The following DOCK2 variants were observed in gnomAD, a reference collection of about 807,000 sequenced individuals.
DOCK2 encodes dedicator of cytokinesis protein 2.
In DOCK2, 87 loss-of-function variants were observed where a neutral mutation model predicts 248.9. That is an observed-to-expected ratio of 0.35 (90% CI 0.29 to 0.42). The LOEUF is 0.42. Among genes scored for constraint, DOCK2 ranks in the 10% least tolerant of loss-of-function variants. The pLI, the probability that DOCK2 is intolerant of heterozygous loss-of-function variation, is 1.00. For missense variants in DOCK2, 1,747 were observed against 2,300.2 expected, an observed-to-expected ratio of 0.76 and a Z score of 4.92; for synonymous variants, 805 against 821.6, an observed-to-expected ratio of 0.98 and a Z score of 0.35.
chr5:169,839,687 C>T (rs942002163), intron 26 of DOCK2, among the ~76,000 whole-genome samples: 1 of 152,216 alleles, frequency 6.6e-6, no homozygotes, highest in Admixed American at 6.5e-5. Context: ...CTGTTACAAC[C>T]TGACTCACTG....
Position 169,721,912 on chromosome 5 carries a change from A to G in DOCK2, c.2267+3121A>G, listed in dbSNP as rs78048459. On this transcript the variant is annotated intron_variant, in intron 22 of 51. Coordinates refer to ENST00000520908, the MANE Select transcript of DOCK2 (RefSeq NM_004946.3). Reference sequence around the variant, plus strand: ...TTCTTGTGTCACTAGCTCCTGAGTCAAAGTCTGGATCAAGTGTCTCTGATT... The same window carrying G: ...TTCTTGTGTCACTAGCTCCTGAGTCGAAGTCTGGATCAAGTGTCTCTGATT... 2.6e-3 allele frequency among the ~76,000 whole-genome samples: 395 copies of G among 152,358 alleles called. 2 individuals are homozygous for G. The highest frequency in any genetic ancestry group is 9.1e-3 in the African/African-American group (379 of 41,584).
intron 25 of DOCK2, among the ~76,000 whole-genome samples, chr5:169,766,719 TC>T (rs1484108876): frequency 1.2e-4 from 19 of 152,308 alleles, no homozygotes; most frequent in East Asian, 1.2e-3. Context: ...TGTATATGCA[TC>T]CCCTTTTCAC....
At chr5:169,809,873 C>T (rs1767630746) in intron 26 of DOCK2, among the ~76,000 whole-genome samples, 1 of 152,206 alleles carries the variant, frequency 6.6e-6, no homozygotes, top group Non-Finnish European at 1.5e-5. Context: ...CCTACCTTCC[C>T]CTCAGAAATC....
intron 27 of DOCK2, among the ~76,000 whole-genome samples, chr5:169,878,409 C>T (rs1772451222): frequency 6.6e-6 from 1 of 152,102 alleles, no homozygotes; most frequent in Admixed American, 6.5e-5. Context: ...AAATGCAGAC[C>T]TGCATCAATT....
intron 25 of DOCK2, among the ~76,000 whole-genome samples, chr5:169,785,425 C>T (rs73322058): frequency 0.077 from 11,753 of 152,084 alleles, 965 homozygotes; most frequent in East Asian, 0.34. Context: ...AATATTTTCC[C>T]ACTATTAACA....
chr5:169,813,796 G>A (rs1767898853), intron 26 of DOCK2, among the ~76,000 whole-genome samples: 1 of 152,188 alleles, frequency 6.6e-6, no homozygotes, highest in Non-Finnish European at 1.5e-5. Context: ...GTCTCCTGCA[G>A]GGCAGTGAGA....
chr5:169,649,848 G>A (rs1384285278), intron 1 of DOCK2, among the ~76,000 whole-genome samples: 4 of 151,812 alleles, frequency 2.6e-5, no homozygotes, highest in Non-Finnish European at 5.9e-5. Context: ...CTGTCACCCG[G>A]GCTGGAGTGC....
At chr5:169,839,394 T>G (rs1055235685) in intron 26 of DOCK2, among the ~76,000 whole-genome samples, 1 of 152,132 alleles carries the variant, frequency 6.6e-6, no homozygotes, top group Non-Finnish European at 1.5e-5. Flanking sequence ...GAATTGAGGC[T>G]CAGAGAAGTG....
At chr5:169,682,228 A>G (rs1759706601) in intron 7 of DOCK2, among the ~76,000 whole-genome samples, 1 of 152,278 alleles carries the variant, frequency 6.6e-6, no homozygotes, top group African/African-American at 2.4e-5. Flanking sequence ...TATGTGAATC[A>G]AAGTGACTCA....
chr5:169,726,139 C>A (rs1273944278), intron 22 of DOCK2, among the ~76,000 whole-genome samples: 2 of 152,080 alleles, frequency 1.3e-5, no homozygotes, highest in East Asian at 3.9e-4. Flanking sequence ...TAAAAGTGTT[C>A]CTATTTCTCC....
intron 26 of DOCK2, among the ~76,000 whole-genome samples, chr5:169,826,129 A>G (rs1258143607): frequency 1.3e-5 from 2 of 152,114 alleles, no homozygotes; most frequent in Non-Finnish European, 2.9e-5. Context: ...CATTTTGTGT[A>G]TTTATACATG....
rs752968198 is a variant in DOCK2, at chr5:170,077,813, C to T, written c.4970C>T (p.Thr1657Ile). The T allele has an allele frequency of 2.5e-6, 4 of 1,613,380 alleles. No homozygotes were observed. The highest frequency in any genetic ancestry group is 1.1e-5 in the South Asian group (1 of 91,068). ...GCTTCCATGAATTCTGACTGCAGCA[C>T]CCCCAGCAAGCCTACCTCAGAGAGG... ...SLASMNSDCS[T>I]PSKPTSESFD... The change falls in exon 48 of 52, where the codon ACC becomes ATC. Residue 1657 changes from threonine to isoleucine, a missense_variant. This residue lies in a region of DOCK2 where 513 missense variants were observed against 586.1 expected (regional missense o/e 0.88). Coordinates refer to ENST00000520908, the MANE Select transcript of DOCK2 (RefSeq NM_004946.3).
intron 27 of DOCK2, among the ~76,000 whole-genome samples, chr5:169,946,824 G>A (rs1432410855): frequency 1.3e-5 from 2 of 152,218 alleles, no homozygotes; most frequent in Non-Finnish European, 2.9e-5. Flanking sequence ...AACTGGGTGG[G>A]CAGTGACATG....
At chr5:170,045,786 CT>C (rs1756687062) in intron 38 of DOCK2, 29 bp from the exon 39 acceptor site, 1 of 1,610,948 alleles carries the variant, frequency 6.2e-7, no homozygotes, top group African/African-American at 1.3e-5. Flanking sequence ...GTGGTGCCAC[CT>C]CACCTTTGTC....
chr5:170,004,509 C>T (rs189388155), intron 30 of DOCK2, among the ~76,000 whole-genome samples: 136 of 152,186 alleles, frequency 8.9e-4, no homozygotes, highest in African/African-American at 2.4e-3. Context: ...GTCAGTGTGG[C>T]GATTCCTCAG....
In DOCK2 at chr5:169,654,547, C is replaced by A. The variant is rs928125181; in HGVS notation, c.127+61C>A. The A allele has an allele frequency of 7.6e-6, 12 of 1,572,908 alleles. No homozygotes were observed. In the Admixed American group the frequency reaches 1.2e-4, roughly 15 times the overall value. ...TTGGCTGATGGAAGCCTATAGTACA[C>A]CCAGGCCCCTCAGCGCTGTCTCTGA... On this transcript the variant is annotated intron_variant, in intron 2 of 51. Coordinates refer to ENST00000520908, the MANE Select transcript of DOCK2 (RefSeq NM_004946.3).
intron 26 of DOCK2, among the ~76,000 whole-genome samples, chr5:169,813,286 C>T (rs1023213344): frequency 1.3e-5 from 2 of 152,178 alleles, no homozygotes; most frequent in African/African-American, 2.4e-5. Flanking sequence ...AACTCAAAAA[C>T]TTCCCGATGA....
At chr5:169,872,711 C>CACTT (rs1324123489) in intron 27 of DOCK2, among the ~76,000 whole-genome samples, 1 of 152,140 alleles carries the variant, frequency 6.6e-6, no homozygotes, top group Non-Finnish European at 1.5e-5. Context: ...AAAGTTAACA[C>CACTT]ACTTATTCAC....
intron 32 of DOCK2, among the ~76,000 whole-genome samples, chr5:170,011,391 G>A (rs1349327129): frequency 6.6e-6 from 1 of 152,200 alleles, no homozygotes; most frequent in East Asian, 1.9e-4. Flanking sequence ...CAGAGTGTTT[G>A]CTCTGAAGCA....
Sources: allele counts gnomAD v4.1 joint callset (sites outside exome capture counted in the v4.1 genomes callset), GRCh38; gene constraint gnomAD v4.1.1; regional missense constraint gnomAD v4.1.1; transcripts MANE v1.5; gene names NCBI Gene and HGNC (gene_info 2026-07-23, HGNC 2026-07-21).